Variants in ZBTB20 observed in about 807,000 individuals in gnomAD.
ZBTB20 encodes the protein zinc finger and BTB domain-containing protein 20.
A neutral mutation model predicts 56.9 loss-of-function variants in ZBTB20; 9 were observed. The observed-to-expected ratio is 0.16, with a 90% CI of 0.10 to 0.28. ZBTB20 has a LOEUF of 0.28. Ranked by LOEUF, ZBTB20 falls within the 10% of genes least tolerant of loss-of-function variation. ZBTB20 has a pLI of 1.00. For synonymous variants in ZBTB20, 417 were observed against 420.7 expected (o/e 0.99, Z 0.11); for missense variants, 655 against 1,003.0 (o/e 0.65, Z 4.69).
At chr3:115,000,097 T>C (rs943360389) in intron 2 of ZBTB20, among the ~76,000 whole-genome samples, 11 of 151,570 alleles carry the variant, frequency 7.3e-5, no homozygotes, top group Non-Finnish European at 1.5e-4. Flanking sequence ...ATTTACCATA[T>C]GAGATCCATC....
intron 2 of ZBTB20, among the ~76,000 whole-genome samples, chr3:115,013,702 A>T (rs1026242904): frequency 1.3e-5 from 2 of 151,774 alleles, no homozygotes; most frequent in African/African-American, 4.8e-5. Flanking sequence ...CTAATGTTCA[A>T]ATCAGAAAAA....
intron 10 of ZBTB20, chr3:114,366,576 C>G (rs2082423137): frequency 6.6e-6 from 1 of 152,144 alleles, no homozygotes; most frequent in South Asian, 2.1e-4. Flanking sequence ...TTTTAAAGCT[C>G]TATTTTGGGA....
chr3:115,006,364 C>G (rs928865224), intron 2 of ZBTB20, among the ~76,000 whole-genome samples: 5 of 151,500 alleles, frequency 3.3e-5, no homozygotes, highest in Non-Finnish European at 7.4e-5. Context: ...ACTTCGGGTA[C>G]TGAATAAATA....
intron 7 of ZBTB20, among the ~76,000 whole-genome samples, chr3:114,476,824 T>C (rs1226139717): frequency 6.6e-6 from 1 of 152,224 alleles, no homozygotes; most frequent in Non-Finnish European, 1.5e-5. Context: ...TTGTGCATAA[T>C]GGCTTTTGTT....
intron 6 of ZBTB20, among the ~76,000 whole-genome samples, chr3:114,513,241 T>G (rs2045605131): frequency 6.6e-6 from 1 of 152,232 alleles, no homozygotes; most frequent in African/African-American, 2.4e-5. Context: ...AATACCATTA[T>G]TCCACCTCTA....
intron 5 of ZBTB20, among the ~76,000 whole-genome samples, chr3:114,800,433 G>T (rs2071628033): frequency 6.6e-6 from 1 of 151,838 alleles, no homozygotes. Flanking sequence ...GGGTAGACCA[G>T]ACTGTGGTAG....
At chr3:114,810,693 C>T (rs2072454597) in intron 4 of ZBTB20, among the ~76,000 whole-genome samples, 1 of 152,144 alleles carries the variant, frequency 6.6e-6, no homozygotes, top group Admixed American at 6.5e-5. Flanking sequence ...CTATAGTGGG[C>T]ATAAACGACT....
chr3:114,370,544 A>G (rs1287271663), intron 10 of ZBTB20, among the ~76,000 whole-genome samples: 1 of 152,082 alleles, frequency 6.6e-6, no homozygotes, highest in African/African-American at 2.4e-5. Flanking sequence ...CCTATCCCTT[A>G]GAACTCTCTT....
At chr3:114,559,313 A>G (rs2051690600) in intron 6 of ZBTB20, among the ~76,000 whole-genome samples, 1 of 152,202 alleles carries the variant, frequency 6.6e-6, no homozygotes, top group Non-Finnish European at 1.5e-5. Context: ...GCACATTAGG[A>G]TTAAAAGTAC....
intron 2 of ZBTB20, among the ~76,000 whole-genome samples, chr3:114,994,899 C>A (rs1026618588): frequency 1.3e-5 from 2 of 151,876 alleles, no homozygotes; most frequent in Non-Finnish European, 2.9e-5. Context: ...AATATTGCTA[C>A]GTTTCTCTTA....
At chr3:114,415,612 AC>A (rs555276899) in intron 7 of ZBTB20, among the ~76,000 whole-genome samples, 196 of 152,236 alleles carry the variant, frequency 1.3e-3, no homozygotes, top group African/African-American at 4.0e-3. Flanking sequence ...AATACTTTGC[AC>A]ATAGTACTTA....
chr3:115,118,598 C>T (rs1344038998), intron 1 of ZBTB20, among the ~76,000 whole-genome samples: 1 of 150,258 alleles, frequency 6.7e-6, no homozygotes, highest in Non-Finnish European at 1.5e-5. Context: ...AAAGTGACAT[C>T]TAATGATAAT....
intron 6 of ZBTB20, among the ~76,000 whole-genome samples, chr3:114,502,171 T>C (rs1351822312): frequency 6.6e-6 from 1 of 152,226 alleles, no homozygotes; most frequent in Non-Finnish European, 1.5e-5. Flanking sequence ...GATTCAATCT[T>C]GCCTCTCTGA....
intron 4 of ZBTB20, among the ~76,000 whole-genome samples, chr3:114,825,021 C>T (rs745645783): frequency 1.1e-4 from 16 of 151,830 alleles, no homozygotes; most frequent in African/African-American, 3.4e-4. Flanking sequence ...GATCTTAATA[C>T]CCTGATGAAA....
intron 6 of ZBTB20, among the ~76,000 whole-genome samples, chr3:114,556,425 T>A (rs138600249): frequency 3.3e-5 from 5 of 152,100 alleles, no homozygotes; most frequent in African/African-American, 1.2e-4. Context: ...TATTCCTCAG[T>A]GCTCAGACAC....
chr3:114,714,964 T>C (rs1323898322), intron 5 of ZBTB20, among the ~76,000 whole-genome samples: 1 of 152,212 alleles, frequency 6.6e-6, no homozygotes, highest in Non-Finnish European at 1.5e-5. Flanking sequence ...CAGTCGGCCA[T>C]TAATGTGTGT....
chr3:114,422,366 G>T (rs1321577959), intron 7 of ZBTB20, among the ~76,000 whole-genome samples: 1 of 152,062 alleles, frequency 6.6e-6, no homozygotes, highest in Non-Finnish European at 1.5e-5. Flanking sequence ...TGTGAAGTAG[G>T]ACTTTATGAA....
At chr3:114,394,314 T>G (rs1374783502) in intron 7 of ZBTB20, among the ~76,000 whole-genome samples, 1 of 152,136 alleles carries the variant, frequency 6.6e-6, no homozygotes, top group Non-Finnish European at 1.5e-5. Flanking sequence ...CAAACCCAGA[T>G]CTCTCTGAGT....
intron 7 of ZBTB20, among the ~76,000 whole-genome samples, chr3:114,389,559 G>A (rs944503849): frequency 6.6e-6 from 1 of 150,878 alleles, no homozygotes; most frequent in African/African-American, 2.4e-5. Flanking sequence ...TTTGATACAT[G>A]TATACATTGT....
Sources: gnomAD v4.1 joint callset for allele counts (sites outside exome capture counted in the v4.1 genomes callset) on GRCh38, gnomAD v4.1.1 for gene constraint, MANE v1.5 for transcripts, NCBI Gene and HGNC (gene_info 2026-07-23, HGNC 2026-07-21) for gene names.